PINX1: variants seen among roughly 807,000 people sequenced by gnomAD.
PINX1 encodes the protein PIN2 (TERF1) interacting telomerase inhibitor 1, also known as PIN2/TERF1-interacting telomerase inhibitor 1.
PINX1 carries 34 observed loss-of-function variants against 25.4 expected under a neutral mutation model. That is an observed-to-expected ratio of 1.34 (90% CI 1.02 to 1.78). PINX1 has a LOEUF of 1.78. Among genes scored for constraint, PINX1 ranks in the 40% most tolerant of loss-of-function variants. The pLI is 0.00. For missense variants in PINX1, 592 were observed against 404.9 expected (o/e 1.46, Z -3.97); for synonymous variants, 197 against 147.7 (o/e 1.33, Z -2.42).
intron 5 of PINX1, among the ~76,000 whole-genome samples, chr8:10,824,200 C>G (rs913188344): frequency 1.3e-5 from 2 of 152,178 alleles, no homozygotes; most frequent in Non-Finnish European, 2.9e-5. Context: ...GAAACTGAGT[C>G]TGAAGGGAAA....
At chr8:10,777,240 G>T (rs976121008) in intron 6 of PINX1, among the ~76,000 whole-genome samples, 1 of 152,170 alleles carries the variant, frequency 6.6e-6, no homozygotes, top group African/African-American at 2.4e-5. Context: ...TATGTTTGCT[G>T]ATCTACAAGA....
At chr8:10,825,399 T>G (rs1798004736) in intron 5 of PINX1, 1 of 534,684 alleles carries the variant, frequency 1.9e-6, no homozygotes, top group African/African-American at 1.9e-5. Flanking sequence ...TCATCACGCT[T>G]CTTATGTAAA....
At chr8:10,807,485 A>T (rs932072384) in intron 6 of PINX1, among the ~76,000 whole-genome samples, 5 of 152,066 alleles carry the variant, frequency 3.3e-5, no homozygotes, top group African/African-American at 1.2e-4. Flanking sequence ...AACTCATGAA[A>T]GGATATGAAT....
chr8:10,827,186 A>G (rs1798079206), intron 4 of PINX1, among the ~76,000 whole-genome samples: 1 of 152,212 alleles, frequency 6.6e-6, no homozygotes, highest in African/African-American at 2.4e-5. Flanking sequence ...TCAAAATAAA[A>G]AGTTCCTTTA....
chr8:10,794,981 G>C (rs556469793), intron 6 of PINX1, among the ~76,000 whole-genome samples: 11 of 152,132 alleles, frequency 7.2e-5, no homozygotes, highest in Admixed American at 1.3e-4. Flanking sequence ...GATAAAGGAG[G>C]GTGACGCTAG....
chr8:10,807,327 AC>A (rs58400319), intron 6 of PINX1, among the ~76,000 whole-genome samples: 5,081 of 32,124 alleles, frequency 0.16, 547 homozygotes, highest in African/African-American at 0.3. Context: ...TCCCCCCCCC[AC>A]CCCCCCCCCC....
intron 6 of PINX1, among the ~76,000 whole-genome samples, chr8:10,775,641 C>A (rs543258206): frequency 1.3e-5 from 2 of 152,184 alleles, no homozygotes; most frequent in African/African-American, 4.8e-5. Flanking sequence ...TTGAGTGGCA[C>A]TGCTATAAAA....
chr8:10,807,642 A>T lies in PINX1; in HGVS notation c.471+12551T>A, dbSNP rs6991573. ...GGTCTGTGCTAAGGACTAAAATAAG[A>T]ACTGCAACAATGGCTATCAGAAGAC... On this transcript the variant is annotated intron_variant, in intron 6 of 6. Transcript: ENST00000314787. Among the ~76,000 whole-genome samples the T allele has an allele frequency of 4.0e-3, 606 of 152,254 alleles. 1 individual carries two copies. Among genetic ancestry groups the T allele is most frequent in the African/African-American group, 0.014 (583 of 41,558 alleles).
intron 6 of PINX1, among the ~76,000 whole-genome samples, chr8:10,792,400 C>T (rs1801952178): frequency 6.6e-6 from 1 of 152,100 alleles, no homozygotes; most frequent in Admixed American, 6.5e-5. Flanking sequence ...GCCACGTGCA[C>T]ACCTTGCCTC....
At chr8:10,793,388 G>T (rs1005924840) in intron 6 of PINX1, among the ~76,000 whole-genome samples, 6 of 152,140 alleles carry the variant, frequency 3.9e-5, no homozygotes, top group African/African-American at 1.4e-4. Context: ...GGCCACGCTG[G>T]AAGAAGAAGA....
chr8:10,797,441 T>C (rs565404646), intron 6 of PINX1, among the ~76,000 whole-genome samples: 3 of 152,338 alleles, frequency 2.0e-5, no homozygotes, highest in African/African-American at 7.2e-5. Flanking sequence ...TGGCCTCTCC[T>C]GATCTCAAAG....
chr8:10,832,628 G>C (rs965653426), intron 3 of PINX1, among the ~76,000 whole-genome samples: 16 of 152,178 alleles, frequency 1.1e-4, no homozygotes, highest in African/African-American at 3.9e-4. Context: ...ACCAGATTAT[G>C]TTGGCTGCAA....
chr8:10,820,118 T>C (rs997401826), intron 6 of PINX1, 75 bp downstream of exon 6: 2 of 937,660 alleles, frequency 2.1e-6, no homozygotes, highest in Non-Finnish European at 3.5e-6. Flanking sequence ...TAGTCATAGA[T>C]AGAAACAGTC....
In PINX1 at chr8:10,831,703, A is replaced by G; in HGVS notation, c.263T>C (p.Leu88Pro). Residue 88 changes from leucine (L) to proline (P), a missense_variant, in exon 4 of 7, where the codon CTG becomes CCG. Coordinates refer to ENST00000314787, the MANE Select transcript of PINX1 (RefSeq NM_017884.6). ...IAHQDDFNQL[L>P]AELNTCHGQE... is the part of the protein sequence containing the mutation. ...CCCATGGCAAGTGTTCAGTTCGGCC[A>G]GAAGCTGGTTAAAATCATCCTGATG... 1.2e-6 allele frequency: 2 copies of G among 1,603,456 alleles called. No homozygotes were observed. Among genetic ancestry groups the G allele is most frequent in the Non-Finnish European group, 1.7e-6 (2 of 1,173,872 alleles).
intron 6 of PINX1, among the ~76,000 whole-genome samples, chr8:10,812,390 G>C (rs556012760): frequency 1.0e-3 from 154 of 152,284 alleles, no homozygotes; most frequent in African/African-American, 2.6e-3. Flanking sequence ...CTTTACTCCA[G>C]AATGAGAGAA....
At chr8:10,815,278 A>G (rs1007842356) in intron 6 of PINX1, among the ~76,000 whole-genome samples, 1 of 152,228 alleles carries the variant, frequency 6.6e-6, no homozygotes, top group Admixed American at 6.5e-5. Flanking sequence ...GGTCAGAGAG[A>G]GGACAGAAAG....
intron 6 of PINX1, among the ~76,000 whole-genome samples, chr8:10,779,471 C>A (rs76733502): frequency 0.017 from 2,608 of 152,288 alleles, 73 homozygotes; most frequent in African/African-American, 0.06. Flanking sequence ...AATAATTTAA[C>A]TGTATAGACT....
At chr8:10,806,251 G>A (rs1482497236) in intron 6 of PINX1, among the ~76,000 whole-genome samples, 1 of 152,212 alleles carries the variant, frequency 6.6e-6, no homozygotes, top group Non-Finnish European at 1.5e-5. Context: ...TCACTGCACA[G>A]TGGGGGCTTT....
At position 10,802,781 on chromosome 8, in the gene PINX1, C is replaced by G. The variant is rs150924102; in HGVS notation, c.471+17412G>C. On this transcript the variant is annotated intron_variant, in intron 6 of 6. Transcript: ENST00000314787. ...GGGATGGGGTGCTCTGCTCAGAGGA[C>G]TGGGGAATTATATTCCAGTAAAGAA... Among the ~76,000 whole-genome samples, 858 of 152,286 alleles carry G rather than the reference C, an allele frequency of 5.6e-3. 6 individuals carry two copies. Among genetic ancestry groups the G allele is most frequent in the African/African-American group, 0.019 (806 of 41,540 alleles).
Sources: gnomAD v4.1 joint callset for allele counts (sites outside exome capture counted in the v4.1 genomes callset) on GRCh38, gnomAD v4.1.1 for gene constraint, MANE v1.5 for transcripts, NCBI Gene and HGNC (gene_info 2026-07-23, HGNC 2026-07-21) for gene names.